Variants in PPP1R9A observed in about 807,000 individuals in gnomAD.
The protein encoded by PPP1R9A is protein phosphatase 1 regulatory subunit 9A.
PPP1R9A carries 59 observed loss-of-function variants against 141.9 expected under a neutral mutation model. The ratio of observed to expected loss-of-function variants is 0.42; its 90% confidence interval spans 0.34 to 0.52. The LOEUF (loss-of-function observed/expected upper bound fraction) is 0.52, where lower values mean the gene tolerates loss of function less well. PPP1R9A is among the 20% of genes least tolerant of loss of function. The pLI is 0.10. For missense variants in PPP1R9A, 1,444 were observed against 1,611.9 expected (o/e 0.90, Z 1.78); for synonymous variants, 500 against 569.7 (o/e 0.88, Z 1.74).
chr7:94,962,566 C>T (rs1159990164), intron 2 of PPP1R9A, among the ~76,000 whole-genome samples: 1 of 151,794 alleles, frequency 6.6e-6, no homozygotes, highest in Admixed American at 6.6e-5. Flanking sequence ...AGAAGTTATT[C>T]CTTATAAGGA....
intron 18 of PPP1R9A, 150 bp from the exon 19 acceptor site, chr7:95,288,386 T>C: frequency 8.7e-7 from 1 of 1,153,030 alleles, no homozygotes; most frequent in Non-Finnish European, 1.1e-6. Flanking sequence ...TAATAAGTAT[T>C]TTTTCTAACA....
At chr7:95,157,593 G>T (rs1414767455) in intron 4 of PPP1R9A, among the ~76,000 whole-genome samples, 1 of 152,222 alleles carries the variant, frequency 6.6e-6, no homozygotes, top group Non-Finnish European at 1.5e-5. Flanking sequence ...TGCAGTCGGC[G>T]TGATGGCAGC....
At chr7:94,983,801 T>A (rs1040673782) in intron 2 of PPP1R9A, among the ~76,000 whole-genome samples, 1 of 152,190 alleles carries the variant, frequency 6.6e-6, no homozygotes, top group Non-Finnish European at 1.5e-5. Context: ...CTTCCTCGTT[T>A]CCTAATCGAA....
intron 2 of PPP1R9A, among the ~76,000 whole-genome samples, chr7:94,921,590 G>A (rs989457269): frequency 2.6e-5 from 4 of 151,908 alleles, no homozygotes; most frequent in African/African-American, 9.7e-5. Context: ...ATTGTTAATT[G>A]ATATTATATA....
chr7:95,042,765 A>T (rs1809442111), intron 2 of PPP1R9A, among the ~76,000 whole-genome samples: 1 of 152,208 alleles, frequency 6.6e-6, no homozygotes, highest in Non-Finnish European at 1.5e-5. Flanking sequence ...AGATATCATC[A>T]AGCTGACAAA....
intron 4 of PPP1R9A, among the ~76,000 whole-genome samples, chr7:95,132,465 T>A (rs1252588469): frequency 1.3e-5 from 2 of 152,206 alleles, no homozygotes; most frequent in Non-Finnish European, 2.9e-5. Flanking sequence ...TTAATTATGT[T>A]TATGTGGTGA....
chr7:95,284,594 C>T (rs1804930776), intron 17 of PPP1R9A, among the ~76,000 whole-genome samples: 1 of 152,200 alleles, frequency 6.6e-6, no homozygotes, highest in African/African-American at 2.4e-5. Context: ...TTTCACTGTG[C>T]TTCTCAAGAT....
intron 4 of PPP1R9A, among the ~76,000 whole-genome samples, chr7:95,132,783 G>A (rs994653728): frequency 2.0e-5 from 3 of 152,178 alleles, no homozygotes; most frequent in Admixed American, 6.5e-5. Flanking sequence ...TGGGCTGGGT[G>A]TGCAGCAACC....
At chr7:95,044,253 A>G (rs1258839572) in intron 2 of PPP1R9A, among the ~76,000 whole-genome samples, 1 of 152,218 alleles carries the variant, frequency 6.6e-6, no homozygotes, top group Non-Finnish European at 1.5e-5. Context: ...TACTAAAAAG[A>G]ATGAGCCACC....
At chr7:95,002,148 C>T (rs979011997) in intron 2 of PPP1R9A, among the ~76,000 whole-genome samples, 4 of 152,164 alleles carry the variant, frequency 2.6e-5, no homozygotes, top group African/African-American at 4.8e-5. Context: ...CTGAAACTTA[C>T]TAACCCCCAG....
In PPP1R9A at chr7:95,242,650, G is replaced by A. The variant is rs543034845; in HGVS notation, c.2113-4823G>A. Among the ~76,000 whole-genome samples the A allele has an allele frequency of 6.6e-5, 10 of 152,244 alleles. 1 individual carries two copies. The South Asian group carries it at 1.0e-3, about 16-fold the overall frequency. The stretch of plus-strand genomic sequence containing the variant: ...TTCAGAATGTTAAATGAAAGCTCCT[G>A]TTCTCATAGGAATGTGTATGTTTAT... On this transcript the variant is annotated intron_variant, in intron 8 of 19. Transcript: ENST00000433360.
intron 2 of PPP1R9A, among the ~76,000 whole-genome samples, chr7:94,973,721 C>CTTT (rs200492667): frequency 5.1e-5 from 7 of 137,184 alleles, no homozygotes; most frequent in Non-Finnish European, 8.0e-5. Flanking sequence ...TTCTTTCTTT[C>CTTT]TTTTTTTTTT....
At chr7:95,172,933 G>A (rs187958638) in intron 5 of PPP1R9A, among the ~76,000 whole-genome samples, 19 of 151,690 alleles carry the variant, frequency 1.3e-4, no homozygotes, top group African/African-American at 4.3e-4. Context: ...TTTTTATAAA[G>A]GTACCAAGGT....
intron 4 of PPP1R9A, among the ~76,000 whole-genome samples, chr7:95,133,610 A>G (rs983393085): frequency 2.0e-5 from 3 of 151,236 alleles, no homozygotes; most frequent in Non-Finnish European, 4.4e-5. Flanking sequence ...GCATTTTTAC[A>G]TAAAAATTAT....
At chr7:95,254,879 C>A (rs1799366197) in intron 12 of PPP1R9A, among the ~76,000 whole-genome samples, 1 of 152,102 alleles carries the variant, frequency 6.6e-6, no homozygotes, top group Admixed American at 6.6e-5. Flanking sequence ...TTACGTTTGA[C>A]CACCATTTGT....
chr7:95,199,784 T>A (rs1789125654), intron 6 of PPP1R9A, among the ~76,000 whole-genome samples: 1 of 152,216 alleles, frequency 6.6e-6, no homozygotes, highest in Non-Finnish European at 1.5e-5. Flanking sequence ...AAAAAAGGGA[T>A]TTCCTCAAAT....
At chr7:95,116,426 T>A (rs1821528598) in intron 3 of PPP1R9A, among the ~76,000 whole-genome samples, 3 of 152,138 alleles carry the variant, frequency 2.0e-5, no homozygotes, top group Admixed American at 1.3e-4. Flanking sequence ...ATCAATTTTT[T>A]CTATGTAATC....
At chr7:95,146,124 A>G (rs1459564879) in intron 4 of PPP1R9A, among the ~76,000 whole-genome samples, 1 of 152,182 alleles carries the variant, frequency 6.6e-6, no homozygotes, top group Admixed American at 6.5e-5. Context: ...CGGCAGTGTA[A>G]AAGCATTCCT....
chr7:94,968,554 T>C (rs910278656), intron 2 of PPP1R9A, among the ~76,000 whole-genome samples: 1 of 152,186 alleles, frequency 6.6e-6, no homozygotes, highest in Non-Finnish European at 1.5e-5. Context: ...TGGTAAATAT[T>C]CTTCCATCTC....
Sources: allele counts gnomAD v4.1 joint callset (sites outside exome capture counted in the v4.1 genomes callset), GRCh38; gene constraint gnomAD v4.1.1; transcripts MANE v1.5; gene names NCBI Gene and HGNC (gene_info 2026-07-23, HGNC 2026-07-21).